HDAC9: variants seen among roughly 807,000 people sequenced by gnomAD.
HDAC9 encodes histone deacetylase 9.
Under a neutral mutation model 139.4 loss-of-function variants are expected in HDAC9, and 41 were observed. That is an observed-to-expected ratio of 0.29 (90% CI 0.23 to 0.38). HDAC9 has a LOEUF of 0.38. Ranked by LOEUF, HDAC9 falls within the 10% of genes least tolerant of loss-of-function variation. HDAC9 has a pLI of 1.00. For synonymous variants in HDAC9, 517 were observed against 476.2 expected (o/e 1.09, Z -1.12); for missense variants, 1,147 against 1,297.0 (o/e 0.88, Z 1.78).
At chr7:18,376,821 G>T (rs1785026621) in intron 1 of HDAC9, among the ~76,000 whole-genome samples, 1 of 152,122 alleles carries the variant, frequency 6.6e-6, no homozygotes, top group African/African-American at 2.4e-5. Context: ...GTCTTCATCA[G>T]CTTAGGCTGC....
At chr7:18,241,035 T>C (rs1277968402) in intron 2 of HDAC9, among the ~76,000 whole-genome samples, 1 of 152,102 alleles carries the variant, frequency 6.6e-6, no homozygotes, top group Non-Finnish European at 1.5e-5. Flanking sequence ...ATCTCAGAAA[T>C]TAGGAGATAC....
At chr7:18,577,931 T>G (rs953686054) in intron 2 of HDAC9, among the ~76,000 whole-genome samples, 1 of 152,036 alleles carries the variant, frequency 6.6e-6, no homozygotes, top group African/African-American at 2.4e-5. Context: ...AAAGGACTTG[T>G]TAAAAAAAAT....
intron 2 of HDAC9, among the ~76,000 whole-genome samples, chr7:18,506,914 G>A (rs200932229): frequency 6.6e-6 from 1 of 152,054 alleles, no homozygotes; most frequent in East Asian, 1.9e-4. Context: ...CTCATATACA[G>A]TAAAATATGC....
At chr7:18,112,924 G>T (rs1783722823) in intron 1 of HDAC9, among the ~76,000 whole-genome samples, 1 of 152,140 alleles carries the variant, frequency 6.6e-6, no homozygotes, top group Admixed American at 6.5e-5. Context: ...GCGTTTGTTT[G>T]TTTGTGTTTT....
At chr7:18,180,226 T>TACACACACACACAC (rs67304424) in intron 2 of HDAC9, among the ~76,000 whole-genome samples, 5 of 120,612 alleles carry the variant, frequency 4.1e-5, no homozygotes, top group Non-Finnish European at 8.5e-5. Flanking sequence ...CCAAGACACA[T>TACACACACACACAC]ACACACACAC....
chr7:18,860,490 T>A (rs974492488), intron 21 of HDAC9, among the ~76,000 whole-genome samples: 2 of 152,162 alleles, frequency 1.3e-5, no homozygotes, highest in Non-Finnish European at 2.9e-5. Flanking sequence ...ACCATGAGGA[T>A]TATGTTATTC....
chr7:18,314,985 G>T (rs151033934), intron 1 of HDAC9, among the ~76,000 whole-genome samples: 1 of 152,092 alleles, frequency 6.6e-6, no homozygotes, highest in East Asian at 1.9e-4. Flanking sequence ...TCAATGGTTC[G>T]CAGCAACGTG....
intron 1 of HDAC9, among the ~76,000 whole-genome samples, chr7:18,465,867 T>C (rs1252654221): frequency 2.0e-5 from 3 of 152,240 alleles, no homozygotes; most frequent in South Asian, 2.1e-4. Flanking sequence ...TGTGGAGATA[T>C]ATCTATTTAG....
At chr7:18,467,601 CATTTT>C (rs1217988076) in intron 1 of HDAC9, among the ~76,000 whole-genome samples, 1 of 152,086 alleles carries the variant, frequency 6.6e-6, no homozygotes, top group Admixed American at 6.6e-5. Flanking sequence ...ATAAAATAAA[CATTTT>C]ATTGTTGAAA....
At chr7:18,612,941 G>A (rs189302532) in intron 6 of HDAC9, among the ~76,000 whole-genome samples, 1 of 151,532 alleles carries the variant, frequency 6.6e-6, no homozygotes, top group Admixed American at 6.6e-5. Context: ...TGAAACTTTA[G>A]GCTGACTAGC....
chr7:18,514,952 T>A (rs1186217274), intron 2 of HDAC9, among the ~76,000 whole-genome samples: 1 of 152,144 alleles, frequency 6.6e-6, no homozygotes, highest in Non-Finnish European at 1.5e-5. Context: ...TCTCTAAAGA[T>A]AATAAGAAAA....
intron 1 of HDAC9, among the ~76,000 whole-genome samples, chr7:18,116,535 G>T (rs1783993166): frequency 6.6e-6 from 1 of 152,070 alleles, no homozygotes; most frequent in South Asian, 2.1e-4. Context: ...GTTCATTCTA[G>T]ATCAATAGTG....
chr7:18,812,512 T>A lies in HDAC9; in HGVS notation c.2323-16649T>A, dbSNP rs193123578. On this transcript the variant is annotated intron_variant, in intron 17 of 25. Transcript: ENST00000686413. The stretch of plus-strand genomic sequence containing the variant: ...AGATATATTTTCAATGTCATTTTTT[T>A]ATTTTTGTCTTTCCTTTTTTTGAAA... Among the ~76,000 whole-genome samples the A allele has an allele frequency of 2.7e-3, 412 of 152,170 alleles. 1 individual carries two copies. Among genetic ancestry groups the A allele is most frequent in the Non-Finnish European group, 3.6e-3 (247 of 67,906 alleles).
intron 2 of HDAC9, among the ~76,000 whole-genome samples, chr7:18,258,951 CTTTTTTTTTTTTTTTTTTTTTTTTTT>C (rs199607615): frequency 1.0e-5 from 1 of 98,320 alleles, no homozygotes; most frequent in African/African-American, 3.3e-5. Context: ...TCTTCTTCTC[CTTTTTTTTTTTTTTTTTTTTTTTTTT>C]TTTTTTTTTT....
chr7:18,165,784 G>A (rs1314201717), intron 2 of HDAC9, among the ~76,000 whole-genome samples: 1 of 147,822 alleles, frequency 6.8e-6, no homozygotes, highest in Non-Finnish European at 1.5e-5. Context: ...GGGCCACAGA[G>A]CAAGACCCTG....
intron 6 of HDAC9, among the ~76,000 whole-genome samples, chr7:18,627,552 G>GT (rs1842037262): frequency 6.6e-6 from 1 of 152,290 alleles, no homozygotes; most frequent in African/African-American, 2.4e-5. Context: ...TACAGTCCCA[G>GT]TATCTCACTT....
intron 2 of HDAC9, among the ~76,000 whole-genome samples, chr7:18,163,418 A>T (rs1787790762): frequency 1.3e-5 from 2 of 152,218 alleles, no homozygotes; most frequent in South Asian, 4.1e-4. Flanking sequence ...AGTGGTTCTC[A>T]AACTTTAGCA....
chr7:18,235,328 T>A (rs1455005503), intron 2 of HDAC9, among the ~76,000 whole-genome samples: 1 of 152,152 alleles, frequency 6.6e-6, no homozygotes, highest in Non-Finnish European at 1.5e-5. Context: ...GTATGTCTTA[T>A]AGGCAGTGGT....
At chr7:18,936,146 C>G (rs1039588926) in intron 23 of HDAC9, among the ~76,000 whole-genome samples, 1 of 152,148 alleles carries the variant, frequency 6.6e-6, no homozygotes, top group African/African-American at 2.4e-5. Flanking sequence ...AGCACTCACT[C>G]CCTTCAATCA....
Sources: allele counts gnomAD v4.1 joint callset (sites outside exome capture counted in the v4.1 genomes callset), GRCh38; gene constraint gnomAD v4.1.1; transcripts MANE v1.5; gene names NCBI Gene and HGNC (gene_info 2026-07-23, HGNC 2026-07-21).